Variants in ZNF346 observed in about 807,000 individuals in gnomAD.
ZNF346 encodes the protein double-stranded RNA-binding zinc finger protein JAZ.
Under a neutral mutation model 33.7 loss-of-function variants are expected in ZNF346, and 23 were observed. The observed-to-expected ratio is 0.68, with a 90% CI of 0.49 to 0.97. ZNF346 has a LOEUF of 0.97. Ranked by LOEUF, ZNF346 falls within the 50% of genes least tolerant of loss-of-function variation. ZNF346 has a pLI of 0.00. For synonymous variants in ZNF346, 134 were observed against 142.4 expected (o/e 0.94, Z 0.42); for missense variants, 340 against 371.1 (o/e 0.92, Z 0.69).
In ZNF346 at chr5:177,022,750, C is replaced by T. The variant is rs781742200; in HGVS notation, c.12C>T (p.Pro4=). 5.8e-6 allele frequency: 9 copies of T among 1,554,576 alleles called. No homozygotes were observed. In the Middle Eastern group the frequency reaches 5.1e-4, roughly 88 times the overall value. MEY[P]APATVQAADG... is the part of the protein sequence containing the mutation. ...GGTTTGCGGGGAAGATGGAGTATCC[C>T]GCGCCGGCCACGGTGCAGGCCGCGG... The change falls in exon 1 of 7, where the codon CCC becomes CCT. Residue 4 remains proline, a synonymous_variant. Transcript: ENST00000358149.
intron 1 of ZNF346, among the ~76,000 whole-genome samples, chr5:177,038,227 T>G (rs1778793966): frequency 6.6e-6 from 1 of 151,052 alleles, no homozygotes; most frequent in Admixed American, 6.6e-5. Context: ...TAGCTAAGAC[T>G]ACAGGCATGC....
rs1779353599 is a variant in ZNF346 at position 177,041,673 on chromosome 5, C to T, written c.280-105C>T. The stretch of plus-strand genomic sequence containing the variant: ...AACTTCCCTCACCTCCTCCTCAAAA[C>T]TTTTTGTGAGGATGAATCAGATGAA... On this transcript the variant is annotated intron_variant, in intron 2 of 6. Coordinates refer to ENST00000358149, the MANE Select transcript of ZNF346 (RefSeq NM_012279.4). The T allele has an allele frequency of 8.0e-6, 6 of 752,650 alleles. No homozygotes were observed. In the South Asian group the frequency reaches 8.7e-5, roughly 11 times the overall value. 46.6% of individuals were successfully genotyped at this position (752,650 alleles called of 1,614,324 possible).
intron 1 of ZNF346, chr5:177,023,212 G>A (rs1292928936): frequency 2.0e-6 from 3 of 1,536,614 alleles, no homozygotes; most frequent in South Asian, 1.2e-5. Context: ...TCCTGTCGGA[G>A]ACCTACAGTC....
At chr5:177,023,355 G>A (rs1283496785) in intron 1 of ZNF346, 6 of 758,372 alleles carry the variant, frequency 7.9e-6, no homozygotes, top group Non-Finnish European at 1.3e-5. Flanking sequence ...GGCTCTGGAA[G>A]GCCTTCTCCT....
At chr5:177,026,708 G>A (rs1227253900) in intron 1 of ZNF346, among the ~76,000 whole-genome samples, 3 of 152,134 alleles carry the variant, frequency 2.0e-5, no homozygotes, top group African/African-American at 2.4e-5. Context: ...TGACCTGCAA[G>A]GAAGAGGCTA....
intron 4 of ZNF346, among the ~76,000 whole-genome samples, chr5:177,047,491 A>G (rs537270984): frequency 3.0e-4 from 45 of 151,636 alleles, no homozygotes; most frequent in Non-Finnish European, 5.9e-4. Flanking sequence ...GGTGCCCACC[A>G]CCATACCCGG....
Position 177,055,738 on chromosome 5 carries a change from C to T in ZNF346, c.703+4802C>T, listed in dbSNP as rs567456794. ...GGTGGATCACTTGAGGTCGGGAGTT[C>T]GAGACCAGCCTGGCCAAGATGGCAA... On this transcript the variant is annotated intron_variant, in intron 5 of 6. Transcript: ENST00000358149. Among the ~76,000 whole-genome samples the T allele has an allele frequency of 5.9e-5, 9 of 151,970 alleles. No homozygotes were observed. In the South Asian group the frequency reaches 1.5e-3, roughly 25 times the overall value.
At chr5:177,049,658 CAAAG>C (rs1780590680) in intron 4 of ZNF346, among the ~76,000 whole-genome samples, 1 of 152,156 alleles carries the variant, frequency 6.6e-6, no homozygotes, top group Non-Finnish European at 1.5e-5. Context: ...CCTGGCATAG[CAAAG>C]AGAGCACAGG....
Position 177,060,678 on chromosome 5 carries a change from C to T in ZNF346, c.704-1380C>T, listed in dbSNP as rs541271755. 2.6e-5 allele frequency among the ~76,000 whole-genome samples: 4 copies of T among 152,144 alleles called. No homozygotes were observed. In the South Asian group the frequency reaches 6.2e-4, roughly 24 times the overall value. On this transcript the variant is annotated intron_variant, in intron 5 of 6. Coordinates refer to ENST00000358149, the MANE Select transcript of ZNF346 (RefSeq NM_012279.4). ...AATAGAAAAATTAGGCATGGTGGCA[C>T]GCACCAGTAGTCCCAGCTACTTGGG...
At chr5:177,068,014 C>T (rs1405820655), downstream of ZNF346, among the ~76,000 whole-genome samples, 1 of 151,976 alleles carries the variant, frequency 6.6e-6, no homozygotes, top group African/African-American at 2.4e-5. Context: ...CATGATTTGC[C>T]CAAGGTCTTG....
downstream of ZNF346, among the ~76,000 whole-genome samples, chr5:177,071,547 G>A (rs1259792455): frequency 2.0e-5 from 3 of 149,912 alleles, no homozygotes; most frequent in Non-Finnish European, 4.4e-5. Context: ...TTAGCTGGTC[G>A]TAGTGGCGGG....
intron 8 of ZNF346, among the ~76,000 whole-genome samples, chr5:177,078,197 C>T (rs1783843964): frequency 2.0e-5 from 3 of 152,140 alleles, no homozygotes; most frequent in Admixed American, 2.0e-4. Context: ...TCCAGAAATA[C>T]CTGCTGAATG....
chr5:177,041,273 G>A, intron 2 of ZNF346, 44 bp downstream of exon 2: 6 of 1,481,894 alleles, frequency 4.0e-6, no homozygotes, highest in African/African-American at 1.4e-5. Flanking sequence ...TTCAGACCTG[G>A]TGCCAAACCA....
chr5:177,052,589 T>C (rs1250557796), intron 5 of ZNF346: 1 of 152,216 alleles, frequency 6.6e-6, no homozygotes, highest in Non-Finnish European at 1.5e-5. Flanking sequence ...CATGTTCTGA[T>C]AGTTCTTACT....
intron 8 of ZNF346, among the ~76,000 whole-genome samples, chr5:177,076,359 C>A (rs1162671936): frequency 6.6e-6 from 1 of 152,200 alleles, no homozygotes; most frequent in East Asian, 1.9e-4. Flanking sequence ...GGCTTCTGAG[C>A]CTTCTCCTAG....
At chr5:177,050,469 G>T (rs934339233) in intron 4 of ZNF346, among the ~76,000 whole-genome samples, 16 of 152,170 alleles carry the variant, frequency 1.1e-4, no homozygotes, top group African/African-American at 3.6e-4. Flanking sequence ...GAACCACCAG[G>T]ATTTGTGGGC....
intron 1 of ZNF346, chr5:177,023,241 C>G (rs1367716660): frequency 1.3e-6 from 2 of 1,530,890 alleles, no homozygotes; most frequent in Admixed American, 3.9e-5. Flanking sequence ...CCCGGTAAGC[C>G]AAGCCGAGTG....
chr5:177,050,825 G>A lies in ZNF346; in HGVS notation c.592G>A (p.Val198Ile), dbSNP rs1308972741. 1.2e-6 allele frequency: 2 copies of A among 1,614,176 alleles called. No homozygotes were observed. Among genetic ancestry groups the A allele is most frequent in the Non-Finnish European group, 1.7e-6 (2 of 1,180,020 alleles). ...SLCHATFNDP[V>I]MAQQHYVGKK... The stretch of plus-strand genomic sequence containing the variant: ...CTGCCATGCAACTTTCAACGACCCT[G>A]TCATGGCTCAACAACATTATGTGGG... Residue 198 changes from valine (V) to isoleucine (I), a missense_variant, in exon 5 of 7, where the codon GTC becomes ATC. Physicochemically the swap from Val to Ile is conservative, Grantham distance 29 (BLOSUM62 3). Coordinates refer to ENST00000358149, the MANE Select transcript of ZNF346 (RefSeq NM_012279.4).
chr5:177,032,968 C>A (rs1045236786), intron 1 of ZNF346, among the ~76,000 whole-genome samples: 13 of 152,208 alleles, frequency 8.5e-5, no homozygotes, highest in Non-Finnish European at 7.3e-5. Context: ...CTTAATAGGA[C>A]CGTCTTGTTC....
Sources: gnomAD v4.1 joint callset for allele counts (sites outside exome capture counted in the v4.1 genomes callset) on GRCh38, gnomAD v4.1.1 for gene constraint, MANE v1.5 for transcripts, NCBI Gene and HGNC (gene_info 2026-07-23, HGNC 2026-07-21) for gene names.